The following CALN1 variants were observed in gnomAD, a reference collection of about 807,000 sequenced individuals.
CALN1 encodes the protein calneuron 1, also known as calcium-binding protein 8.
Under a neutral mutation model 30.6 loss-of-function variants are expected in CALN1, and 17 were observed. The observed-to-expected ratio is 0.56, with a 90% CI of 0.38 to 0.83. CALN1 has a LOEUF of 0.83. Ranked by LOEUF, CALN1 falls within the 40% of genes least tolerant of loss-of-function variation. The pLI, the probability that CALN1 is intolerant of heterozygous loss-of-function variation, is 0.00. For missense variants in CALN1, 291 were observed against 354.9 expected, an observed-to-expected ratio of 0.82 and a Z score of 1.45; for synonymous variants, 156 against 131.4, an observed-to-expected ratio of 1.19 and a Z score of -1.28.
chr7:71,910,837 A>C (rs543723060), intron 5 of CALN1, among the ~76,000 whole-genome samples: 1 of 152,164 alleles, frequency 6.6e-6, no homozygotes, highest in Non-Finnish European at 1.5e-5. Context: ...ATACCCTCCC[A>C]ATGTATTGCT....
At chr7:71,882,304 G>A (rs918336537) in intron 5 of CALN1, among the ~76,000 whole-genome samples, 1 of 152,146 alleles carries the variant, frequency 6.6e-6, no homozygotes, top group African/African-American at 2.4e-5. Context: ...TGGCCCTCCT[G>A]CCTTCCTCTT....
chr7:72,203,979 C>CTATTTT (rs59798860), intron 3 of CALN1, among the ~76,000 whole-genome samples: 1,110 of 83,782 alleles, frequency 0.013, 174 homozygotes, highest in East Asian at 0.065. Context: ...AGGCCTCTCT[C>CTATTTT]TTTTTTTTTT....
chr7:72,009,545 T>A (rs1016000308), intron 5 of CALN1, among the ~76,000 whole-genome samples: 1 of 152,236 alleles, frequency 6.6e-6, no homozygotes, highest in African/African-American at 2.4e-5. Context: ...CATATATTCA[T>A]GGTTTTTAAA....
chr7:72,410,980 A>G (rs890893491), intron 1 of CALN1, among the ~76,000 whole-genome samples: 3 of 152,208 alleles, frequency 2.0e-5, no homozygotes, highest in African/African-American at 4.8e-5. Flanking sequence ...TGATATGATT[A>G]TATGTATGGA....
chr7:72,431,259 G>C (rs2129564024), intron 1 of CALN1, among the ~76,000 whole-genome samples: 1 of 152,120 alleles, frequency 6.6e-6, no homozygotes, highest in East Asian at 1.9e-4. Context: ...CACTAATAAA[G>C]CTATTATTAG....
chr7:72,367,735 T>A (rs1459658187), intron 2 of CALN1, among the ~76,000 whole-genome samples: 1 of 150,608 alleles, frequency 6.6e-6, no homozygotes. Flanking sequence ...TTCAGGAAGC[T>A]GAGGCAAGGG....
At chr7:71,936,778 A>G (rs1371822390) in intron 5 of CALN1, among the ~76,000 whole-genome samples, 6 of 152,164 alleles carry the variant, frequency 3.9e-5, no homozygotes, top group Non-Finnish European at 7.3e-5. Flanking sequence ...TGTAGCTCCC[A>G]TAATTCCCAT....
At chr7:72,359,626 C>CA (rs1803439954) in intron 2 of CALN1, among the ~76,000 whole-genome samples, 1 of 151,998 alleles carries the variant, frequency 6.6e-6, no homozygotes. Context: ...AACCTGATTC[C>CA]AATCATGAGA....
intron 4 of CALN1, among the ~76,000 whole-genome samples, chr7:72,103,510 T>C (rs1432175730): frequency 6.6e-6 from 1 of 152,148 alleles, no homozygotes; most frequent in African/African-American, 2.4e-5. Flanking sequence ...TGGGGCTACT[T>C]TGAAAGTGTT....
the CALN1 span, among the ~76,000 whole-genome samples, chr7:72,500,752 T>A: frequency 6.6e-6 from 1 of 152,212 alleles, no homozygotes; most frequent in Non-Finnish European, 1.5e-5. Context: ...GAGGCACTAA[T>A]GTTATTATCT....
chr7:72,053,284 C>A (rs780875230), intron 4 of CALN1, among the ~76,000 whole-genome samples: 2 of 152,108 alleles, frequency 1.3e-5, no homozygotes, highest in African/African-American at 2.4e-5. Context: ...TCAGAGTACA[C>A]CAAAGACTCC....
intron 2 of CALN1, among the ~76,000 whole-genome samples, chr7:72,284,548 A>C (rs1797955738): frequency 6.6e-6 from 1 of 152,194 alleles, no homozygotes; most frequent in Non-Finnish European, 1.5e-5. Flanking sequence ...GAATAGAATG[A>C]TAGGCCTACA....
At chr7:72,423,144 T>C (rs1234292546) in intron 1 of CALN1, among the ~76,000 whole-genome samples, 1 of 152,170 alleles carries the variant, frequency 6.6e-6, no homozygotes, top group African/African-American at 2.4e-5. Flanking sequence ...TATTTCATTT[T>C]ATCTTATCAT....
chr7:72,371,871 G>A (rs1804265695), intron 2 of CALN1, among the ~76,000 whole-genome samples: 1 of 152,172 alleles, frequency 6.6e-6, no homozygotes, highest in South Asian at 2.1e-4. Context: ...CCCCATGAAT[G>A]CAGTGATAAA....
At position 72,231,572 on chromosome 7, in the gene CALN1, A is replaced by C. The variant is rs141745830; in HGVS notation, c.244+47114T>G. Among the ~76,000 whole-genome samples the C allele has an allele frequency of 5.0e-3, 764 of 152,222 alleles. 5 individuals carry two copies. Among genetic ancestry groups the C allele is most frequent in the African/African-American group, 0.017 (723 of 41,536 alleles). ...TTGATTCCATGTCTTTGCTGTTGTG[A>C]ATAGTGCTGCAATGAACATACATGT... On this transcript the variant is annotated intron_variant, in intron 3 of 6. Coordinates refer to ENST00000395275, the MANE Select transcript of CALN1 (RefSeq NM_031468.4).
chr7:72,409,361 A>T (rs1185019106), intron 1 of CALN1, among the ~76,000 whole-genome samples: 1 of 148,534 alleles, frequency 6.7e-6, no homozygotes, highest in Non-Finnish European at 1.5e-5. Flanking sequence ...AAGGCCACAG[A>T]GGCTGAAATG....
intron 5 of CALN1, 99 bp from the exon 6 acceptor site, chr7:71,810,591 T>C: frequency 8.1e-7 from 1 of 1,229,540 alleles, no homozygotes; most frequent in Admixed American, 2.2e-5. Context: ...CTGCAGAAAC[T>C]TGTCTCAGCG....
At chr7:72,409,515 T>C (rs940582099) in intron 1 of CALN1, among the ~76,000 whole-genome samples, 2 of 150,670 alleles carry the variant, frequency 1.3e-5, no homozygotes, top group Non-Finnish European at 3.0e-5. Context: ...GCCAACCTCA[T>C]TATTTCAGCG....
At chr7:72,261,571 T>C (rs942252324) in intron 3 of CALN1, among the ~76,000 whole-genome samples, 1 of 152,080 alleles carries the variant, frequency 6.6e-6, no homozygotes. Flanking sequence ...ACTACAGGTG[T>C]GCACATCACG....
Sources: allele counts gnomAD v4.1 joint callset (sites outside exome capture counted in the v4.1 genomes callset), GRCh38; gene constraint gnomAD v4.1.1; transcripts MANE v1.5; gene names NCBI Gene and HGNC (gene_info 2026-07-23, HGNC 2026-07-21).